FOCAD: variants seen among roughly 807,000 people sequenced by gnomAD.
FOCAD encodes the protein focadhesin.
Under a neutral mutation model 225.6 loss-of-function variants are expected in FOCAD, and 198 were observed. The observed-to-expected ratio is 0.88, with a 90% CI of 0.78 to 0.99. The LOEUF (loss-of-function observed/expected upper bound fraction) is 0.99. FOCAD is among the 50% of genes least tolerant of loss of function. FOCAD has a pLI of 0.00. For missense variants in FOCAD, 2,713 were observed against 2,123.6 expected (o/e 1.28, Z -5.46); for synonymous variants, 897 against 755.0 (o/e 1.19, Z -3.08).
chr9:20,937,822 T>G (rs1836155884), intron 28 of FOCAD, among the ~76,000 whole-genome samples: 2 of 152,088 alleles, frequency 1.3e-5, no homozygotes, highest in Admixed American at 6.5e-5. Flanking sequence ...ATTTTTGCAA[T>G]CTACTCATCT....
intron 11 of FOCAD, among the ~76,000 whole-genome samples, chr9:20,798,915 C>T (rs1041199353): frequency 1.3e-5 from 2 of 152,024 alleles, no homozygotes; most frequent in African/African-American, 4.8e-5. Context: ...GCTCTTGCTT[C>T]TCTAGTTCTT....
At chr9:20,935,817 C>A (rs555481885) in intron 28 of FOCAD, among the ~76,000 whole-genome samples, 5 of 152,198 alleles carry the variant, frequency 3.3e-5, no homozygotes, top group Middle Eastern at 3.2e-3. Flanking sequence ...GAAATGGAAG[C>A]AAACAGGTTA....
At chr9:20,938,323 A>G (rs1836223293) in intron 28 of FOCAD, among the ~76,000 whole-genome samples, 1 of 152,164 alleles carries the variant, frequency 6.6e-6, no homozygotes, top group African/African-American at 2.4e-5. Context: ...AAGACTTGGA[A>G]CCAACCCAAA....
At chr9:20,953,375 G>C (rs906284216) in intron 35 of FOCAD, among the ~76,000 whole-genome samples, 63 of 152,210 alleles carry the variant, frequency 4.1e-4, no homozygotes, top group African/African-American at 1.3e-3. Context: ...TCCATTTCAA[G>C]TGAGTGTGAT....
intron 16 of FOCAD, among the ~76,000 whole-genome samples, chr9:20,864,499 T>C (rs1156894714): frequency 1.3e-5 from 2 of 152,078 alleles, no homozygotes; most frequent in African/African-American, 4.8e-5. Flanking sequence ...TTTAAAAATA[T>C]ATTTTAGGAA....
At chr9:20,880,263 CAG>C (rs1830558378) in intron 19 of FOCAD, among the ~76,000 whole-genome samples, 1 of 152,116 alleles carries the variant, frequency 6.6e-6, no homozygotes, top group Non-Finnish European at 1.5e-5. Flanking sequence ...TAAACCGTCT[CAG>C]AGTGCTTAAT....
At position 20,916,914 on chromosome 9, in the gene FOCAD, T is replaced by C. The variant is rs1271695867; in HGVS notation, c.2829T>C (p.Asp943=). The C allele has an allele frequency of 1.0e-5, 16 of 1,605,900 alleles. No individual in the cohort carries two copies. Among genetic ancestry groups the C allele is most frequent in the Non-Finnish European group, 1.4e-5 (16 of 1,177,312 alleles). ...AWLWVRDMLT[D]EITKAAAKES... ...GCAGGGTTAGAGACATGCTGACTGATGAGATCACCAAGGCAGCTGCAAAGT... is the reference window on the plus strand; with the variant it reads ...GCAGGGTTAGAGACATGCTGACTGACGAGATCACCAAGGCAGCTGCAAAGT... The change falls in exon 24 of 44, where the codon GAT becomes GAC. Residue 943 remains aspartate, a synonymous_variant. Transcript: ENST00000338382.
chr9:20,921,444 G>C (rs1192967664), intron 24 of FOCAD, among the ~76,000 whole-genome samples: 1 of 152,174 alleles, frequency 6.6e-6, no homozygotes, highest in East Asian at 1.9e-4. Context: ...ACAAGGTGAT[G>C]AGTTTTTACT....
rs28577296 is a variant in FOCAD, at chr9:20,816,225, A to G, written c.1456-3571A>G. 3.2e-3 allele frequency among the ~76,000 whole-genome samples: 489 copies of G among 152,276 alleles called. 3 individuals carry two copies. The highest frequency in any genetic ancestry group is 0.011 in the African/African-American group (476 of 41,564). ...ATTTGTTTAAAAGTCACACAACTAA[A>G]TACACTAGTTTATAAAATGTCAGTA... On this transcript the variant is annotated intron_variant, in intron 11 of 43. Transcript: ENST00000338382.
intron 15 of FOCAD, among the ~76,000 whole-genome samples, chr9:20,851,854 A>T (rs1827691715): frequency 6.6e-6 from 1 of 151,870 alleles, no homozygotes. Flanking sequence ...TTTTGTAAGT[A>T]AAGTTTTATT....
intron 15 of FOCAD, among the ~76,000 whole-genome samples, chr9:20,838,509 A>G (rs578072472): frequency 6.6e-6 from 1 of 152,236 alleles, no homozygotes; most frequent in South Asian, 2.1e-4. Flanking sequence ...TTGATCTGAA[A>G]TGGTAGAATA....
chr9:20,828,485 G>GT (rs1193259504), intron 15 of FOCAD, among the ~76,000 whole-genome samples: 1 of 152,030 alleles, frequency 6.6e-6, no homozygotes, highest in African/African-American at 2.4e-5. Context: ...GTAACTCACT[G>GT]TTTAACCATT....
At chr9:20,798,126 T>C (rs1367608546) in intron 11 of FOCAD, among the ~76,000 whole-genome samples, 1 of 152,218 alleles carries the variant, frequency 6.6e-6, no homozygotes, top group Non-Finnish European at 1.5e-5. Flanking sequence ...TGTCTTTGGT[T>C]CTGTTTATAT....
chr9:20,779,298 G>A (rs1003985029), intron 9 of FOCAD, among the ~76,000 whole-genome samples: 1 of 152,200 alleles, frequency 6.6e-6, no homozygotes, highest in Non-Finnish European at 1.5e-5. Context: ...TTGCCCTATC[G>A]GGCAAATAAG....
At chr9:20,992,606 A>G (rs1302409883) in intron 42 of FOCAD, among the ~76,000 whole-genome samples, 4 of 152,088 alleles carry the variant, frequency 2.6e-5, no homozygotes, top group Admixed American at 2.6e-4. Flanking sequence ...CAGAGTGATG[A>G]GAGATAATGT....
chr9:20,680,207 G>A (rs553877927), upstream of FOCAD, among the ~76,000 whole-genome samples: 1 of 152,326 alleles, frequency 6.6e-6, no homozygotes, highest in African/African-American at 2.4e-5. Context: ...AATATAGGTG[G>A]ACTATTAGAA....
chr9:20,774,902 A>T (rs1303057134), intron 8 of FOCAD, among the ~76,000 whole-genome samples: 2 of 152,098 alleles, frequency 1.3e-5, no homozygotes, highest in Non-Finnish European at 1.5e-5. Context: ...TCTGTCCCCC[A>T]TCCCCATCTT....
chr9:20,800,580 C>T (rs995808043), intron 11 of FOCAD, among the ~76,000 whole-genome samples: 1 of 152,088 alleles, frequency 6.6e-6, no homozygotes, highest in African/African-American at 2.4e-5. Flanking sequence ...TTTCTCTTCT[C>T]GCTTCATTTC....
intron 3 of FOCAD, among the ~76,000 whole-genome samples, chr9:20,718,385 T>A (rs906289686): frequency 2.6e-5 from 4 of 152,246 alleles, no homozygotes; most frequent in Non-Finnish European, 5.9e-5. Flanking sequence ...CTTACTGAGA[T>A]ACACTTGGGG....
Sources: gnomAD v4.1 joint callset for allele counts (sites outside exome capture counted in the v4.1 genomes callset) on GRCh38, gnomAD v4.1.1 for gene constraint, MANE v1.5 for transcripts, NCBI Gene and HGNC (gene_info 2026-07-23, HGNC 2026-07-21) for gene names.